Variants in CACNA2D3 observed in about 807,000 individuals in gnomAD.
CACNA2D3 encodes calcium voltage-gated channel auxiliary subunit alpha2delta 3, also known as voltage-dependent calcium channel subunit alpha-2/delta-3.
In CACNA2D3, 60 loss-of-function variants were observed where a neutral mutation model predicts 160.6. That is an observed-to-expected ratio of 0.37 (90% confidence interval 0.30 to 0.46). The LOEUF is 0.46. CACNA2D3 is among the 20% of genes least tolerant of loss of function. The pLI is 1.00. For missense variants in CACNA2D3, 1,205 were observed against 1,365.0 expected (o/e 0.88, Z 1.85); for synonymous variants, 558 against 492.9 (o/e 1.13, Z -1.75).
chr3:55,066,665 T>C (rs1297025324), intron 35 of CACNA2D3, among the ~76,000 whole-genome samples: 2 of 152,206 alleles, frequency 1.3e-5, no homozygotes, highest in African/African-American at 4.8e-5. Context: ...GTTCTTCCTC[T>C]GTCTGTAGTG....
intron 35 of CACNA2D3, among the ~76,000 whole-genome samples, chr3:55,029,066 A>G (rs1459683350): frequency 6.6e-6 from 1 of 152,186 alleles, no homozygotes; most frequent in Admixed American, 6.5e-5. Flanking sequence ...TGAGGTCTCA[A>G]GCTGGGTGGG....
intron 17 of CACNA2D3, among the ~76,000 whole-genome samples, chr3:54,863,413 C>G (rs1258078005): frequency 6.6e-6 from 1 of 152,162 alleles, no homozygotes; most frequent in Non-Finnish European, 1.5e-5. Flanking sequence ...CACTCTCCCT[C>G]CCTGCTTTCA....
chr3:55,003,697 G>C (rs1000533201), intron 31 of CACNA2D3, among the ~76,000 whole-genome samples: 2 of 152,144 alleles, frequency 1.3e-5, no homozygotes, highest in African/African-American at 4.8e-5. Flanking sequence ...GAATGGGATG[G>C]AGAGCTGACA....
In CACNA2D3 at chr3:54,137,486, G is replaced by A. The variant is rs929091216; in HGVS notation, c.204+13892G>A. 2.0e-5 allele frequency among the ~76,000 whole-genome samples: 3 copies of A among 152,134 alleles called. No individual in the cohort carries two copies. The East Asian group carries it at 5.8e-4, about 29-fold the overall frequency. ...AAGACGCCATCTGCTTCCTATAAAAGCCTGCTCCTAATCTCCCTGGTGCAA... is the reference window on the plus strand; with the variant it reads ...AAGACGCCATCTGCTTCCTATAAAAACCTGCTCCTAATCTCCCTGGTGCAA... On this transcript the variant is annotated intron_variant, in intron 2 of 37. Transcript: ENST00000474759.
At chr3:55,024,917 T>C (rs935111526) in intron 35 of CACNA2D3, among the ~76,000 whole-genome samples, 1 of 152,332 alleles carries the variant, frequency 6.6e-6, no homozygotes, top group Non-Finnish European at 1.5e-5. Context: ...TGACAATTCA[T>C]GACTCTATGG....
intron 3 of CACNA2D3, among the ~76,000 whole-genome samples, chr3:54,328,454 G>T (rs1456139787): frequency 6.6e-6 from 1 of 151,806 alleles, no homozygotes; most frequent in Non-Finnish European, 1.5e-5. Flanking sequence ...GCTAATTTTT[G>T]TATTTTTAGT....
In CACNA2D3 at chr3:54,452,929, C is replaced by T. The variant is rs115261366; in HGVS notation, c.382-50563C>T. 6.3e-3 allele frequency among the ~76,000 whole-genome samples: 958 copies of T among 152,116 alleles called. 7 individuals carry two copies. The highest frequency in any genetic ancestry group is 0.019 in the African/African-American group (795 of 41,500). On this transcript the variant is annotated intron_variant, in intron 4 of 37. Coordinates refer to ENST00000474759, the MANE Select transcript of CACNA2D3 (RefSeq NM_018398.3). ...CATGTGGTCATCTTCCCTCGGTGTT[C>T]GTCTGTGTTTCTATGTCTTCTTTTT...
At chr3:54,864,898 T>G (rs1699366274) in intron 17 of CACNA2D3, among the ~76,000 whole-genome samples, 1 of 152,160 alleles carries the variant, frequency 6.6e-6, no homozygotes, top group Non-Finnish European at 1.5e-5. Context: ...GACCTGCCTT[T>G]CCTGGGTGCT....
intron 3 of CACNA2D3, among the ~76,000 whole-genome samples, chr3:54,362,922 C>G (rs1186949845): frequency 6.6e-6 from 1 of 152,182 alleles, no homozygotes; most frequent in Non-Finnish European, 1.5e-5. Flanking sequence ...TGCAGCCAGA[C>G]ACGGTGGCTC....
intron 5 of CACNA2D3, among the ~76,000 whole-genome samples, chr3:54,510,485 ATTCT>A (rs575977657): frequency 5.7e-4 from 87 of 152,258 alleles, no homozygotes; most frequent in African/African-American, 2.1e-3. Context: ...GGTACAGGTG[ATTCT>A]TTCCCAAAAT....
rs1699499705 is a variant in CACNA2D3, at chr3:54,122,757, C to G, written c.44C>G (p.Ser15Trp). ...CCGCGCCGCGCGTCCCGGGGGGCCT[C>G]GGCGCTTCTCGCTGCCGCGCTTCTC... Reference protein sequence around the residue: ...GSPRRASRGASALLAAALLYA... With the variant: ...GSPRRASRGAWALLAAALLYA... Residue 15 changes from serine (S) to tryptophan (W), a missense_variant, in exon 1 of 38, where the codon TCG becomes TGG. Transcript: ENST00000474759. 2.5e-6 allele frequency: 3 copies of G among 1,223,054 alleles called. No individual in the cohort carries two copies. Among genetic ancestry groups the G allele is most frequent in the Non-Finnish European group, 3.1e-6 (3 of 979,818 alleles). The allele number at this position is 1,223,054 out of a possible 1,614,324, so 75.8% of individuals were successfully genotyped here.
chr3:54,990,666 G>C (rs1338395841), intron 31 of CACNA2D3, among the ~76,000 whole-genome samples: 1 of 152,130 alleles, frequency 6.6e-6, no homozygotes, highest in African/African-American at 2.4e-5. Context: ...CTCTGTCTTG[G>C]TCATTTTGCT....
intron 14 of CACNA2D3, among the ~76,000 whole-genome samples, chr3:54,820,904 G>T (rs771591331): frequency 1.3e-5 from 2 of 151,990 alleles, no homozygotes; most frequent in Non-Finnish European, 2.9e-5. Context: ...TTTTCTTCAC[G>T]TAGATTCTGT....
chr3:54,788,514 ACT>A (rs1483070248), intron 13 of CACNA2D3, among the ~76,000 whole-genome samples: 2 of 152,020 alleles, frequency 1.3e-5, no homozygotes, highest in South Asian at 4.1e-4. Flanking sequence ...CACTTTTGAA[ACT>A]CTCCAAATGA....
rs533596688 is a variant in CACNA2D3, at chr3:54,918,332, C to CTTTTTTTTT, written c.2449+18479_2449+18487dup. 1,772 of 228,112 alleles carry CTTTTTTTTT rather than the reference C, an allele frequency of 7.8e-3. 270 individuals carry two copies. Among genetic ancestry groups the CTTTTTTTTT allele is most frequent in the Non-Finnish European group, 0.01 (1,277 of 126,210 alleles). The allele number at this position is 228,112 out of a possible 1,614,324, so 14.1% of individuals were successfully genotyped here. ...TTTTACAGACACATCTTTTTTTTTT[C>CTTTTTTTTT]TTTTTTTTTTTTTTTTTTTTTTTGT... is the stretch of plus-strand genomic sequence containing the variant. On this transcript the variant is annotated intron_variant, in intron 27 of 37. Transcript: ENST00000474759.
intron 13 of CACNA2D3, among the ~76,000 whole-genome samples, chr3:54,787,571 A>T (rs1257933079): frequency 1.3e-5 from 2 of 152,210 alleles, no homozygotes; most frequent in African/African-American, 4.8e-5. Context: ...CCACACAGGA[A>T]AGAAGTGAAA....
intron 27 of CACNA2D3, among the ~76,000 whole-genome samples, chr3:54,960,092 AC>A (rs1034655414): frequency 2.0e-5 from 3 of 148,774 alleles, no homozygotes; most frequent in Admixed American, 6.6e-5. Flanking sequence ...AAAAAAAAAA[AC>A]CAAAGTGATT....
chr3:54,741,148 G>A (rs569648440), intron 11 of CACNA2D3, among the ~76,000 whole-genome samples: 3 of 152,238 alleles, frequency 2.0e-5, no homozygotes. Flanking sequence ...GGTGGGGGTG[G>A]ATGGCGGGAA....
intron 15 of CACNA2D3, among the ~76,000 whole-genome samples, chr3:54,837,711 C>T (rs943194647): frequency 6.6e-6 from 1 of 152,130 alleles, no homozygotes; most frequent in African/African-American, 2.4e-5. Context: ...TTCAGCTTCT[C>T]GGGGCCCCCA....
Sources: gnomAD v4.1 joint callset for allele counts (sites outside exome capture counted in the v4.1 genomes callset) on GRCh38, gnomAD v4.1.1 for gene constraint, MANE v1.5 for transcripts, NCBI Gene and HGNC (gene_info 2026-07-23, HGNC 2026-07-21) for gene names.